DOK5: variants seen among roughly 807,000 people sequenced by gnomAD.
The protein encoded by DOK5 is docking protein 5, also known as downstream of tyrosine kinase 5.
A neutral mutation model predicts 43.3 loss-of-function variants in DOK5; 27 were observed. That is an observed-to-expected ratio of 0.62 (90% CI 0.46 to 0.86). DOK5 has a LOEUF of 0.86. DOK5 is among the 40% of genes least tolerant of loss of function. The pLI is 0.00. For synonymous variants in DOK5, 146 were observed against 140.1 expected (o/e 1.04, Z -0.30); for missense variants, 373 against 392.9 (o/e 0.95, Z 0.43).
At chr20:54,481,036 A>G (rs1440004365) in intron 1 of DOK5, among the ~76,000 whole-genome samples, 4 of 118,320 alleles carry the variant, frequency 3.4e-5, no homozygotes, top group Non-Finnish European at 7.0e-5. Context: ...TCTATCTATC[A>G]TCTATCTATC....
chr20:54,545,055 A>G (rs1419043685), intron 1 of DOK5, among the ~76,000 whole-genome samples: 1 of 152,226 alleles, frequency 6.6e-6, no homozygotes, highest in Non-Finnish European at 1.5e-5. Flanking sequence ...CATTTAACCT[A>G]TAAACTAAAT....
chr20:54,529,164 G>A (rs746453445), intron 1 of DOK5, among the ~76,000 whole-genome samples: 5 of 152,138 alleles, frequency 3.3e-5, no homozygotes, highest in Non-Finnish European at 5.9e-5. Context: ...CTGTCACTTA[G>A]CCTTCTAATG....
At chr20:54,565,937 GA>G (rs1428322690) in intron 2 of DOK5, among the ~76,000 whole-genome samples, 1 of 150,374 alleles carries the variant, frequency 6.7e-6, no homozygotes, top group Non-Finnish European at 1.5e-5. Context: ...AGAATCACTT[GA>G]ACCCGGGAGG....
intron 1 of DOK5, among the ~76,000 whole-genome samples, chr20:54,530,048 G>A (rs1983716223): frequency 6.6e-6 from 1 of 152,106 alleles, no homozygotes. Context: ...TTAGCCTAAA[G>A]GTTTTTTGTC....
intron 6 of DOK5, among the ~76,000 whole-genome samples, chr20:54,622,518 C>T (rs1385576231): frequency 6.6e-6 from 1 of 152,228 alleles, no homozygotes; most frequent in African/African-American, 2.4e-5. Flanking sequence ...CTGGGAGCTC[C>T]TGTCACGGTG....
rs10684906 is a variant in DOK5, at chr20:54,607,403, GGTGT to G, written c.600-2954_600-2951del. 1.0e-3 allele frequency among the ~76,000 whole-genome samples: 145 copies of G among 145,628 alleles called. 1 individual carries two copies. Among genetic ancestry groups the G allele is most frequent in the African/African-American group, 2.3e-3 (89 of 39,318 alleles). Reference sequence around the variant, plus strand: ...CTGTTGTTTTCTGTTAGTGGTAAGTGGTGTGTGTGTGTGTGTGTGTGTGTGTGTG... The same window carrying G: ...CTGTTGTTTTCTGTTAGTGGTAAGTGGTGTGTGTGTGTGTGTGTGTGTGTG... On this transcript the variant is annotated intron_variant, in intron 5 of 7. Coordinates refer to ENST00000262593, the MANE Select transcript of DOK5 (RefSeq NM_018431.5).
chr20:54,588,369 C>A, intron 2 of DOK5, 114 bp from the exon 3 acceptor site: 1 of 780,864 alleles, frequency 1.3e-6, no homozygotes, highest in South Asian at 1.6e-5. Context: ...ACTTTTTCAA[C>A]AGGTTGTGCT....
intron 1 of DOK5, among the ~76,000 whole-genome samples, chr20:54,499,625 A>G (rs1241777726): frequency 6.6e-6 from 1 of 152,194 alleles, no homozygotes; most frequent in East Asian, 1.9e-4. Context: ...TGTTGTCTCT[A>G]TGGCCAATTT....
chr20:54,642,090 A>G (rs1286052489), intron 6 of DOK5, among the ~76,000 whole-genome samples: 3 of 152,134 alleles, frequency 2.0e-5, no homozygotes, highest in East Asian at 3.9e-4. Context: ...GTCTGCTTCC[A>G]CTTGCACCCC....
At chr20:54,543,365 G>C (rs1278246083) in intron 1 of DOK5, among the ~76,000 whole-genome samples, 2 of 152,198 alleles carry the variant, frequency 1.3e-5, no homozygotes, top group Non-Finnish European at 2.9e-5. Context: ...ACCTCTACTA[G>C]ACAGGACATA....
intron 1 of DOK5, among the ~76,000 whole-genome samples, chr20:54,519,365 G>T (rs943729341): frequency 6.6e-6 from 1 of 151,862 alleles, no homozygotes; most frequent in African/African-American, 2.4e-5. Flanking sequence ...ATATTTAATT[G>T]GTATTAGATC....
chr20:54,639,533 C>T (rs960458326), intron 6 of DOK5, among the ~76,000 whole-genome samples: 7 of 152,128 alleles, frequency 4.6e-5, no homozygotes. Flanking sequence ...TTCTGTGTCA[C>T]CTTACAGGGG....
At chr20:54,507,887 G>C (rs36060321) in intron 1 of DOK5, among the ~76,000 whole-genome samples, 12,220 of 152,292 alleles carry the variant, frequency 0.08, 508 homozygotes, top group Middle Eastern at 0.11. Flanking sequence ...AAGAGTTCAT[G>C]ATGAGGAGAG....
At chr20:54,535,854 A>T (rs193200529) in intron 1 of DOK5, among the ~76,000 whole-genome samples, 2,031 of 152,072 alleles carry the variant, frequency 0.013, 19 homozygotes, top group Non-Finnish European at 0.02. Flanking sequence ...TGGACTTTTT[A>T]AAAAAAATAA....
chr20:54,591,736 T>C lies in DOK5; in HGVS notation c.530T>C (p.Ile177Thr). The C allele has an allele frequency of 6.2e-7, 1 of 1,614,250 alleles. No individual in the cohort carries two copies. Among genetic ancestry groups the C allele is most frequent in the Non-Finnish European group, 8.5e-7 (1 of 1,180,044 alleles). ...WDVQNPRVKLISWPLSALRRY... is the reference protein window; with the variant it reads ...WDVQNPRVKLTSWPLSALRRY... Reference sequence around the variant, plus strand: ...GTCCAGAATCCCAGAGTCAAACTCATCTCTTGGCCGCTAAGCGCCCTGCGG... The same window carrying C: ...GTCCAGAATCCCAGAGTCAAACTCACCTCTTGGCCGCTAAGCGCCCTGCGG... The change falls in exon 5 of 8, where the codon ATC (isoleucine) becomes ACC (threonine). Residue 177 changes from isoleucine to threonine, a missense_variant. Transcript: ENST00000262593.
chr20:54,551,798 C>G (rs1395665181), intron 1 of DOK5, among the ~76,000 whole-genome samples: 3 of 152,096 alleles, frequency 2.0e-5, no homozygotes, highest in African/African-American at 7.2e-5. Flanking sequence ...TAAAAAATAA[C>G]AGAATCCTCT....
intron 1 of DOK5, among the ~76,000 whole-genome samples, chr20:54,530,915 G>A (rs986022569): frequency 3.9e-5 from 6 of 152,218 alleles, no homozygotes; most frequent in Non-Finnish European, 7.4e-5. Context: ...TCCTGTGAGC[G>A]GAATTGCAGG....
At chr20:54,637,905 A>G (rs56187828) in intron 6 of DOK5, among the ~76,000 whole-genome samples, 8,621 of 152,238 alleles carry the variant, frequency 0.057, 308 homozygotes, top group Middle Eastern at 0.11. Context: ...GGCAGATCAC[A>G]AGGTCAGGAG....
chr20:54,560,863 C>G (rs1347353585), intron 2 of DOK5, among the ~76,000 whole-genome samples: 4 of 152,126 alleles, frequency 2.6e-5, no homozygotes, highest in Non-Finnish European at 5.9e-5. Context: ...CTCAAGTGAT[C>G]CACCCACCTT....
Sources: gnomAD v4.1 joint callset for allele counts (sites outside exome capture counted in the v4.1 genomes callset) on GRCh38, gnomAD v4.1.1 for gene constraint, MANE v1.5 for transcripts, NCBI Gene and HGNC (gene_info 2026-07-23, HGNC 2026-07-21) for gene names.